SIL1: variants seen among roughly 807,000 people sequenced by gnomAD.
SIL1 encodes the protein nucleotide exchange factor SIL1.
Under a neutral mutation model 49.1 loss-of-function variants are expected in SIL1, and 40 were observed. The observed-to-expected ratio is 0.81, with a 90% CI of 0.63 to 1.06. SIL1 has a LOEUF of 1.06. SIL1 is among the 50% of genes least tolerant of loss of function. The pLI, the probability that SIL1 is intolerant of heterozygous loss-of-function variation, is 0.00. For missense variants in SIL1, 500 were observed against 572.6 expected, an observed-to-expected ratio of 0.87 and a Z score of 1.29; for synonymous variants, 253 against 250.8, an observed-to-expected ratio of 1.01 and a Z score of -0.08.
intron 1 of SIL1, among the ~76,000 whole-genome samples, chr5:139,153,585 C>T (rs1443797799): frequency 6.6e-6 from 1 of 152,210 alleles, no homozygotes; most frequent in Non-Finnish European, 1.5e-5. Context: ...ACCCACTTGC[C>T]TCCACAGACC....
chr5:138,952,025 G>T, intron 7 of SIL1, 141 bp from the exon 8 acceptor site: 1 of 785,228 alleles, frequency 1.3e-6, no homozygotes, highest in Non-Finnish European at 2.2e-6. Context: ...AAACTCAGCT[G>T]GGGAAACAAA....
intron 3 of SIL1, among the ~76,000 whole-genome samples, chr5:139,068,133 A>G (rs1769746919): frequency 6.6e-6 from 1 of 152,256 alleles, no homozygotes; most frequent in South Asian, 2.1e-4. Flanking sequence ...GGCAAAAGCA[A>G]CGTCGTCTAA....
intron 1 of SIL1, among the ~76,000 whole-genome samples, chr5:139,177,695 G>A (rs749836360): frequency 3.3e-5 from 5 of 152,224 alleles, no homozygotes; most frequent in Non-Finnish European, 5.9e-5. Flanking sequence ...CGCCCACCAT[G>A]CACTTAACAC....
chr5:139,052,402 A>T (rs536097186), intron 3 of SIL1, among the ~76,000 whole-genome samples: 1 of 152,308 alleles, frequency 6.6e-6, no homozygotes, highest in South Asian at 2.1e-4. Context: ...ATTTTCAAGG[A>T]TAAAAAATAC....
intron 5 of SIL1, among the ~76,000 whole-genome samples, chr5:139,029,129 A>G (rs970111650): frequency 3.3e-5 from 5 of 152,090 alleles, no homozygotes; most frequent in Admixed American, 6.6e-5. Context: ...TTTAAATTCT[A>G]TTTTTTTAAA....
At chr5:139,027,964 C>T (rs1219288289) in intron 5 of SIL1, among the ~76,000 whole-genome samples, 1 of 152,118 alleles carries the variant, frequency 6.6e-6, no homozygotes, top group South Asian at 2.1e-4. Flanking sequence ...AAGCTCCTAG[C>T]GGAGCAATCA....
chr5:139,085,192 G>C (rs976847479), intron 3 of SIL1, among the ~76,000 whole-genome samples: 1 of 152,160 alleles, frequency 6.6e-6, no homozygotes, highest in Non-Finnish European at 1.5e-5. Context: ...AAACAGGGAG[G>C]AAGGAAAGTC....
At chr5:139,180,029 C>G (rs924149995) in intron 1 of SIL1, among the ~76,000 whole-genome samples, 1 of 147,038 alleles carries the variant, frequency 6.8e-6, no homozygotes, top group Non-Finnish European at 1.5e-5. Flanking sequence ...GCATTCCAGC[C>G]AGGGCAACAG....
At chr5:139,051,921 G>A (rs1289049129) in intron 3 of SIL1, among the ~76,000 whole-genome samples, 1 of 152,232 alleles carries the variant, frequency 6.6e-6, no homozygotes, top group Non-Finnish European at 1.5e-5. Context: ...CTGTAGGGAT[G>A]GAGAATTTCA....
chr5:139,085,035 T>A (rs1221636162), intron 3 of SIL1, among the ~76,000 whole-genome samples: 1 of 152,160 alleles, frequency 6.6e-6, no homozygotes, highest in Non-Finnish European at 1.5e-5. Context: ...TGGCAACAAA[T>A]GTACATCCCA....
intron 2 of SIL1, among the ~76,000 whole-genome samples, chr5:139,121,742 C>T (rs571226428): frequency 2.0e-5 from 3 of 152,038 alleles, no homozygotes; most frequent in Non-Finnish European, 2.9e-5. Context: ...ATGGAGGAAG[C>T]GTGCAAGTGG....
intron 5 of SIL1, among the ~76,000 whole-genome samples, chr5:139,031,830 C>A (rs1183645555): frequency 6.6e-6 from 1 of 152,140 alleles, no homozygotes; most frequent in Admixed American, 6.5e-5. Context: ...GATCTTATAT[C>A]TGTCTTGTTA....
intron 3 of SIL1, among the ~76,000 whole-genome samples, chr5:139,096,255 A>G (rs1770463270): frequency 6.6e-6 from 1 of 152,098 alleles, no homozygotes; most frequent in Admixed American, 6.6e-5. Context: ...AGCCCACACC[A>G]ACAGGGAATC....
At chr5:138,973,128 T>C (rs952462884) in intron 7 of SIL1, among the ~76,000 whole-genome samples, 2 of 146,936 alleles carry the variant, frequency 1.4e-5, no homozygotes, top group Admixed American at 7.0e-5. Context: ...GTTATCCTTA[T>C]ACAATTAAAG....
At chr5:139,113,437 AC>A (rs1215324148) in intron 3 of SIL1, among the ~76,000 whole-genome samples, 4 of 141,260 alleles carry the variant, frequency 2.8e-5, no homozygotes, top group African/African-American at 7.9e-5. Flanking sequence ...GATGCTGCCC[AC>A]CCCCACCACC....
chr5:139,173,847 T>C (rs1447347432), intron 1 of SIL1, among the ~76,000 whole-genome samples: 1 of 148,150 alleles, frequency 6.7e-6, no homozygotes, highest in Non-Finnish European at 1.5e-5. Context: ...TAGTCCCAGC[T>C]ACTCAGGAGG....
At chr5:139,161,889 C>T (rs754523199) in intron 1 of SIL1, among the ~76,000 whole-genome samples, 2 of 151,622 alleles carry the variant, frequency 1.3e-5, no homozygotes, top group Non-Finnish European at 2.9e-5. Flanking sequence ...AGCACGCTCC[C>T]GTAGTCCCCA....
At chr5:139,127,974 C>T (rs908251614) in intron 1 of SIL1, 121 bp from the exon 2 acceptor site, 16 of 713,274 alleles carry the variant, frequency 2.2e-5, no homozygotes, top group African/African-American at 1.1e-4. Flanking sequence ...AGAGGTATAA[C>T]GAGTCTTCTA....
At chr5:139,055,611 T>C (rs1462474424) in intron 3 of SIL1, among the ~76,000 whole-genome samples, 5 of 66,196 alleles carry the variant, frequency 7.6e-5, no homozygotes, top group African/African-American at 1.5e-4. Flanking sequence ...CCTCTCCCTC[T>C]CCCTCTCCCC....
Sources: allele counts gnomAD v4.1 joint callset (sites outside exome capture counted in the v4.1 genomes callset), GRCh38; gene constraint gnomAD v4.1.1; transcripts MANE v1.5; gene names NCBI Gene and HGNC (gene_info 2026-07-23, HGNC 2026-07-21).